TTL: variants seen among roughly 807,000 people sequenced by gnomAD.
TTL encodes tubulin--tyrosine ligase.
In TTL, 10 loss-of-function variants were observed where a neutral mutation model predicts 41.1. The ratio of observed to expected loss-of-function variants is 0.24; its 90% CI spans 0.15 to 0.41. The LOEUF is 0.41. Among genes scored for constraint, TTL ranks in the 10% least tolerant of loss-of-function variants. The probability of loss-of-function intolerance (pLI) is 1.00; values close to 1 mark genes in which losing one functional copy is unlikely to be tolerated. For synonymous variants in TTL, 175 were observed against 175.5 expected (o/e 1.00, Z 0.02); for missense variants, 367 against 460.4 (o/e 0.80, Z 1.86).
chr2:112,494,497 TATAA>T, intron 3 of TTL, 122 bp downstream of exon 3: 1 of 740,072 alleles, frequency 1.4e-6, no homozygotes, highest in Non-Finnish European at 2.2e-6. Flanking sequence ...GTTACATAGT[TATAA>T]ATACCCATCT....
At chr2:112,512,610 T>A (rs1451122647) in intron 5 of TTL, among the ~76,000 whole-genome samples, 2 of 151,832 alleles carry the variant, frequency 1.3e-5, no homozygotes, top group Non-Finnish European at 2.9e-5. Context: ...TTGGTCAGGC[T>A]GGTCTGGAAT....
chr2:112,527,329 C>T (rs1682395717), intron 6 of TTL, among the ~76,000 whole-genome samples: 1 of 152,176 alleles, frequency 6.6e-6, no homozygotes, highest in African/African-American at 2.4e-5. Context: ...TCTATTAGGT[C>T]TGCTTGGTGC....
intron 5 of TTL, 85 bp downstream of exon 5, chr2:112,503,266 A>G: frequency 1.6e-6 from 2 of 1,269,284 alleles, no homozygotes; most frequent in South Asian, 1.6e-5. Context: ...TGTTTCATAT[A>G]AGTTGTCTAA....
At chr2:112,486,171 G>A (rs1681234150) in intron 2 of TTL, among the ~76,000 whole-genome samples, 176 bp downstream of exon 2, 2 of 152,232 alleles carry the variant, frequency 1.3e-5, no homozygotes, top group African/African-American at 2.4e-5. Context: ...GATAAAGCCT[G>A]TCTGCCTCTG....
chr2:112,524,247 A>G (rs909176598), intron 6 of TTL, among the ~76,000 whole-genome samples: 11 of 152,236 alleles, frequency 7.2e-5, no homozygotes, highest in Admixed American at 3.9e-4. Context: ...TAGTGCTACA[A>G]TAAACATACA....
rs562799070 is a variant in TTL, at chr2:112,531,616, C to A, written c.*2821C>A. 1 of 228,016 alleles carries A rather than the reference C, an allele frequency of 4.4e-6. No homozygotes were observed. The highest frequency in any genetic ancestry group is 6.3e-5 in the East Asian group (1 of 15,846). 14.1% of individuals were successfully genotyped at this position (228,016 alleles called of 1,614,324 possible). A position where few individuals can be genotyped will look rare whatever the true frequency, so the allele number is the denominator to read the frequency against. Reference sequence around the variant, plus strand: ...TCAGACAGCAATATGCCTTGAGATGCCTTGAACCATGCTTGAGAAGGAAGG... The same window carrying A: ...TCAGACAGCAATATGCCTTGAGATGACTTGAACCATGCTTGAGAAGGAAGG... On this transcript the variant is annotated 3_prime_UTR_variant, in exon 7 of 7. Coordinates refer to ENST00000233336, the MANE Select transcript of TTL (RefSeq NM_153712.5).
In TTL at chr2:112,540,785, A is replaced by G. The variant is rs1333263463; in HGVS notation, c.*11990A>G. Reference sequence around the variant, plus strand: ...TTAGGACAACTGGATATCCACATGCAAAGGAATAAAGTGATATGCCTTTCT... The same window carrying G: ...TTAGGACAACTGGATATCCACATGCGAAGGAATAAAGTGATATGCCTTTCT... On this transcript the variant is annotated 3_prime_UTR_variant, in exon 7 of 7. Coordinates refer to ENST00000233336, the MANE Select transcript of TTL (RefSeq NM_153712.5). 6.6e-6 allele frequency: 1 copy of G among 152,264 alleles called. No individual in the cohort carries two copies. Among genetic ancestry groups the G allele is most frequent in the Non-Finnish European group, 1.5e-5 (1 of 68,048 alleles). 9.4% of individuals were successfully genotyped at this position (152,264 alleles called of 1,614,324 possible). A position where few individuals can be genotyped will look rare whatever the true frequency, so the allele number is the denominator to read the frequency against.
At chr2:112,526,783 C>T (rs1246722564) in intron 6 of TTL, among the ~76,000 whole-genome samples, 3 of 152,026 alleles carry the variant, frequency 2.0e-5, no homozygotes, top group Admixed American at 6.6e-5. Context: ...GTGTCTCTAT[C>T]TCCTTCAGTT....
In TTL at chr2:112,482,681, C is replaced by T. The variant is rs1054633606; in HGVS notation, c.157+180C>T. On this transcript the variant is annotated intron_variant, in intron 1 of 6. Transcript: ENST00000233336. This position sits in a 1 kb window ranked among gnomAD's most constrained non-coding sequence, Gnocchi z 5.3. ...CCTGTCGTTTTTAATGCTTTCTTGTCTCCTAACTTGGATTTAGAGTCGGAG... is the reference window on the plus strand; with the variant it reads ...CCTGTCGTTTTTAATGCTTTCTTGTTTCCTAACTTGGATTTAGAGTCGGAG... Among the ~76,000 whole-genome samples the T allele has an allele frequency of 2.6e-5, 4 of 151,080 alleles. No homozygotes were observed. The highest frequency in any genetic ancestry group is 9.7e-5 in the African/African-American group (4 of 41,198).
At chr2:112,498,104 AC>A (rs1681585985) in intron 3 of TTL, among the ~76,000 whole-genome samples, 1 of 152,160 alleles carries the variant, frequency 6.6e-6, no homozygotes. Context: ...CGGGCGGATC[AC>A]CTGAGGTCAG....
chr2:112,514,735 G>C lies in TTL; in HGVS notation c.876-5547G>C, dbSNP rs935984934. On this transcript the variant is annotated intron_variant, in intron 5 of 6. Transcript: ENST00000233336. ...TTGGGTTCATAGTGCTTCTTGCACCGTGGCTTGATATCTTTTACCAGTTTT... is the reference window on the plus strand; with the variant it reads ...TTGGGTTCATAGTGCTTCTTGCACCCTGGCTTGATATCTTTTACCAGTTTT... Among the ~76,000 whole-genome samples, 5 of 152,188 alleles carry C rather than the reference G, an allele frequency of 3.3e-5. 1 individual carries two copies. The South Asian group carries it at 1.0e-3, about 32-fold the overall frequency.
intron 1 of TTL, among the ~76,000 whole-genome samples, chr2:112,485,213 G>A (rs1407344160): frequency 1.3e-5 from 2 of 152,320 alleles, no homozygotes; most frequent in East Asian, 1.9e-4. Context: ...GCCTCCCAGA[G>A]TGCTGGGATA....
At position 112,529,794 on chromosome 2, in the gene TTL, G is replaced by A. The variant is rs1682462551; in HGVS notation, c.*999G>A. On this transcript the variant is annotated 3_prime_UTR_variant, in exon 7 of 7. Coordinates refer to ENST00000233336, the MANE Select transcript of TTL (RefSeq NM_153712.5). ...AGCTAGAGGGACAGGTTTCCTTCCA[G>A]GAAGGATTCGAGTTCCTGTGCCTGT... 2 of 221,358 alleles carry A rather than the reference G, an allele frequency of 9.0e-6. No individual in the cohort carries two copies. The highest frequency in any genetic ancestry group is 1.8e-5 in the Non-Finnish European group (2 of 110,664). 13.7% of individuals were successfully genotyped at this position (221,358 alleles called of 1,614,324 possible).
chr2:112,499,590 A>G (rs1467737143), intron 3 of TTL, among the ~76,000 whole-genome samples: 2 of 152,240 alleles, frequency 1.3e-5, no homozygotes, highest in Non-Finnish European at 2.9e-5. Flanking sequence ...GCTTGACTCC[A>G]AAAGTGTAAT....
At chr2:112,488,766 AG>A (rs200655205) in intron 2 of TTL, among the ~76,000 whole-genome samples, 195 of 141,162 alleles carry the variant, frequency 1.4e-3, no homozygotes, top group Middle Eastern at 4.0e-3. Flanking sequence ...TTAAAAAAAA[AG>A]AAAAGAAAAG....
intron 5 of TTL, among the ~76,000 whole-genome samples, chr2:112,510,024 A>G (rs1259710866): frequency 1.3e-5 from 2 of 152,002 alleles, no homozygotes; most frequent in Non-Finnish European, 2.9e-5. Flanking sequence ...TTTTGGTTTT[A>G]TTGGTTTTCT....
At chr2:112,524,542 C>A (rs556559744) in intron 6 of TTL, among the ~76,000 whole-genome samples, 4 of 152,242 alleles carry the variant, frequency 2.6e-5, no homozygotes, top group African/African-American at 9.6e-5. Context: ...TCTCTGATGG[C>A]CAGTGATGAG....
At chr2:112,493,368 A>G (rs1443332707) in intron 2 of TTL, among the ~76,000 whole-genome samples, 3 of 151,836 alleles carry the variant, frequency 2.0e-5, no homozygotes, top group African/African-American at 7.3e-5. Context: ...AAAAAAAAAA[A>G]AGACTTGGGA....
chr2:112,498,068 A>C (rs1388845667), intron 3 of TTL, among the ~76,000 whole-genome samples: 1 of 152,234 alleles, frequency 6.6e-6, no homozygotes, highest in Non-Finnish European at 1.5e-5. Context: ...TCACACCTGT[A>C]ATCCCAGCAC....
Sources: gnomAD v4.1 joint callset for allele counts (sites outside exome capture counted in the v4.1 genomes callset) on GRCh38, gnomAD v4.1.1 for gene constraint, Gnocchi (gnomAD v3.1) non-coding constraint, MANE v1.5 for transcripts, NCBI Gene and HGNC (gene_info 2026-07-23, HGNC 2026-07-21) for gene names.